SLC6A4: variants seen among roughly 807,000 people sequenced by gnomAD.
SLC6A4 encodes solute carrier family 6 member 4.
In SLC6A4, 22 loss-of-function variants were observed where a neutral mutation model predicts 73.4. The ratio of observed to expected loss-of-function variants is 0.30; its 90% CI spans 0.21 to 0.43. SLC6A4 has a LOEUF of 0.43. SLC6A4 is among the 20% of genes least tolerant of loss of function. The pLI, the probability that SLC6A4 is intolerant of heterozygous loss-of-function variation, is 1.00. For missense variants in SLC6A4, 593 were observed against 808.5 expected (o/e 0.73, Z 3.23); for synonymous variants, 270 against 315.5 (o/e 0.86, Z 1.53).
Position 30,195,645 on chromosome 17 carries a change from T to G in SLC6A4, c.*2811A>C, listed in dbSNP as rs202183206. 2.6e-5 allele frequency: 4 copies of G among 152,264 alleles called. No individual in the cohort carries two copies. The highest frequency in any genetic ancestry group is 2.1e-4 in the South Asian group (1 of 4,814). 9.4% of individuals were successfully genotyped at this position (152,264 alleles called of 1,614,324 possible). A position where few individuals can be genotyped will look rare whatever the true frequency, so the allele number is the denominator to read the frequency against. ...GCTCTCAATAACAGAGAAATTAGCT[T>G]GGTCCCCAGGTTTGTCTCTGCCTCT... On this transcript the variant is annotated 3_prime_UTR_variant, in exon 15 of 15. Coordinates refer to ENST00000650711, the MANE Select transcript of SLC6A4 (RefSeq NM_001045.6).
In SLC6A4 at chr17:30,208,022, C is replaced by T. The variant is rs138852101; in HGVS notation, c.1550-190G>A. Among the ~76,000 whole-genome samples the T allele has an allele frequency of 3.3e-3, 497 of 152,188 alleles. 1 individual carries two copies. Among genetic ancestry groups the T allele is most frequent in the Middle Eastern group, 0.01 (3 of 294 alleles). The stretch of plus-strand genomic sequence containing the variant: ...GAATTTCTCTCTAGGAGGAGTACAG[C>T]GACAACAATCTGGTCCGAAAGTGGG... On this transcript the variant is annotated intron_variant, in intron 12 of 14. Coordinates refer to ENST00000650711, the MANE Select transcript of SLC6A4 (RefSeq NM_001045.6).
intron 4 of SLC6A4, 49 bp from the exon 5 acceptor site, chr17:30,218,386 C>G: frequency 6.1e-6 from 9 of 1,482,406 alleles, no homozygotes; most frequent in Non-Finnish European, 8.4e-6. Flanking sequence ...TAAGGGTGGC[C>G]CAACGGCAAA....
rs149052106 is a variant in SLC6A4 at position 30,210,873 on chromosome 17, G to A, written c.1318-227C>T. Among the ~76,000 whole-genome samples the A allele has an allele frequency of 6.6e-5, 10 of 152,274 alleles. No individual in the cohort carries two copies. In the South Asian group the frequency reaches 1.5e-3, roughly 22 times the overall value. ...AGAGCCAGGAAACAAAATAGCACACGTGGACAGAACTTCAATATATGAGGT... is the reference window on the plus strand; with the variant it reads ...AGAGCCAGGAAACAAAATAGCACACATGGACAGAACTTCAATATATGAGGT... On this transcript the variant is annotated intron_variant, in intron 10 of 14. Coordinates refer to ENST00000650711, the MANE Select transcript of SLC6A4 (RefSeq NM_001045.6).
intron 1 of SLC6A4, among the ~76,000 whole-genome samples, chr17:30,232,251 A>T (rs1907134568): frequency 6.6e-6 from 1 of 152,208 alleles, no homozygotes; most frequent in South Asian, 2.1e-4. Context: ...GGGCTCTCCC[A>T]AAGCACACAA....
chr17:30,212,661 A>G (rs944044821), intron 9 of SLC6A4, 79 bp downstream of exon 9: 37 of 1,508,318 alleles, frequency 2.5e-5, no homozygotes, highest in Admixed American at 3.6e-5. Flanking sequence ...GAAATAAATC[A>G]AAAGTTAGAT....
chr17:30,229,429 C>T (rs541143835), intron 1 of SLC6A4, among the ~76,000 whole-genome samples: 4 of 152,192 alleles, frequency 2.6e-5, no homozygotes, highest in East Asian at 1.9e-4. Context: ...GAGACTGATT[C>T]GAAGTTCTTT....
At chr17:30,223,746 G>A (rs1906844217) in intron 1 of SLC6A4, among the ~76,000 whole-genome samples, 1 of 152,172 alleles carries the variant, frequency 6.6e-6, no homozygotes, top group South Asian at 2.1e-4. Context: ...CCCACCCCAG[G>A]CTCAAGAATG....
At chr17:30,226,595 G>C (rs1906930621) in intron 1 of SLC6A4, among the ~76,000 whole-genome samples, 1 of 152,206 alleles carries the variant, frequency 6.6e-6, no homozygotes, top group Non-Finnish European at 1.5e-5. Flanking sequence ...AGCTACTTGT[G>C]AGGCTGAGGC....
At chr17:30,227,735 G>A (rs762245215) in intron 1 of SLC6A4, among the ~76,000 whole-genome samples, 10 of 152,136 alleles carry the variant, frequency 6.6e-5, no homozygotes, top group Non-Finnish European at 1.0e-4. Flanking sequence ...CAATCCTCCC[G>A]CCTTGGCCTC....
At chr17:30,212,119 G>A (rs577496376) in intron 9 of SLC6A4, among the ~76,000 whole-genome samples, 7 of 152,072 alleles carry the variant, frequency 4.6e-5, no homozygotes, top group Admixed American at 4.6e-4. Context: ...AAAACTTCAC[G>A]GTAAAATAGA....
chr17:30,230,098 G>GAAGAA (rs1555591454), intron 1 of SLC6A4, among the ~76,000 whole-genome samples: 3,094 of 89,320 alleles, frequency 0.035, 69 homozygotes, highest in African/African-American at 0.045. Context: ...AAGAAGAAGA[G>GAAGAA]GAGGAAGAGG....
chr17:30,215,059 C>T (rs376834224), intron 8 of SLC6A4, among the ~76,000 whole-genome samples: 51 of 108,086 alleles, frequency 4.7e-4, no homozygotes, highest in East Asian at 3.7e-3. Context: ...TTCTCTCTCT[C>T]TCTTTCTCTC....
At chr17:30,201,484 G>A (rs186976504) in intron 14 of SLC6A4, among the ~76,000 whole-genome samples, 5 of 152,298 alleles carry the variant, frequency 3.3e-5, no homozygotes, top group Admixed American at 3.3e-4. Flanking sequence ...AAGATGGCCA[G>A]GATCTGAGGT....
At chr17:30,213,976 G>C (rs920178832) in intron 8 of SLC6A4, among the ~76,000 whole-genome samples, 1 of 152,034 alleles carries the variant, frequency 6.6e-6, no homozygotes, top group Non-Finnish European at 1.5e-5. Flanking sequence ...CAAACTCTTA[G>C]GCTCAAGTGA....
chr17:30,227,937 AT>A (rs1906979480), intron 1 of SLC6A4, among the ~76,000 whole-genome samples: 1 of 152,236 alleles, frequency 6.6e-6, no homozygotes, highest in Non-Finnish European at 1.5e-5. Flanking sequence ...AGAGTATAAA[AT>A]CTAGAGGATA....
Position 30,211,283 on chromosome 17 carries a change from C to A in SLC6A4, c.1317+29G>T. On this transcript the variant is annotated intron_variant, in intron 10 of 14. Coordinates refer to ENST00000650711, the MANE Select transcript of SLC6A4 (RefSeq NM_001045.6). The surrounding 1 kb of genome is among the most constrained non-coding windows in gnomAD (Gnocchi z 4.0). ...TCCTCCTTTCCTCTTCATCCTCCCA[C>A]AGCCCATTTCCCCTTCCCATTTCCT... 1 of 1,390,748 alleles carries A rather than the reference C, an allele frequency of 7.2e-7. No individual in the cohort carries two copies. The highest frequency in any genetic ancestry group is 1.0e-6 in the Non-Finnish European group (1 of 978,940). 86.2% of individuals were successfully genotyped at this position (1,390,748 alleles called of 1,614,324 possible). A position where few individuals can be genotyped will look rare whatever the true frequency, so the allele number is the denominator to read the frequency against.
At chr17:30,220,361 C>T (rs1335194794) in intron 3 of SLC6A4, among the ~76,000 whole-genome samples, 2 of 152,178 alleles carry the variant, frequency 1.3e-5, no homozygotes, top group Non-Finnish European at 2.9e-5. Context: ...ATTCACTTTT[C>T]CCCACTGCTC....
Position 30,218,123 on chromosome 17 carries a change from A to G in SLC6A4, c.693T>C (p.Phe231=). 6.2e-7 allele frequency: 1 copy of G among 1,613,982 alleles called. No individual in the cohort carries two copies. Among genetic ancestry groups the G allele is most frequent in the Non-Finnish European group, 8.5e-7 (1 of 1,179,838 alleles). ...CCTCACTTACGTGCACTTACGTGTA[A>G]AATTCTTCAGCAGGGGACGTGGAAT... ...TLHSTSPAEE[F]YTRHVLQIHR... The change falls in exon 5 of 15, where the codon TTT becomes TTC. Residue 231 remains phenylalanine (F), a synonymous_variant. Coordinates refer to ENST00000650711, the MANE Select transcript of SLC6A4 (RefSeq NM_001045.6).
In SLC6A4 at chr17:30,210,446, G is replaced by T; in HGVS notation, c.1449+69C>A. ...GGCACTGTGTGAGATGGAAGGAGAC[G>T]AACAGCTTCCTGTAGCGTTCTGCTG... On this transcript the variant is annotated intron_variant, in intron 11 of 14. Coordinates refer to ENST00000650711, the MANE Select transcript of SLC6A4 (RefSeq NM_001045.6). 4 of 1,526,264 alleles carry T rather than the reference G, an allele frequency of 2.6e-6. No homozygotes were observed. In the South Asian group the frequency reaches 3.8e-5, roughly 14 times the overall value. 94.5% of individuals were successfully genotyped at this position (1,526,264 alleles called of 1,614,324 possible). A position where few individuals can be genotyped will look rare whatever the true frequency, so the allele number is the denominator to read the frequency against.
Sources: allele counts gnomAD v4.1 joint callset (sites outside exome capture counted in the v4.1 genomes callset), GRCh38; gene constraint gnomAD v4.1.1; non-coding constraint Gnocchi (gnomAD v3.1); transcripts MANE v1.5; gene names NCBI Gene and HGNC (gene_info 2026-07-23, HGNC 2026-07-21).